The following SCYL3 variants were observed in gnomAD, a reference collection of about 807,000 sequenced individuals.
SCYL3 encodes SCY1 like pseudokinase 3, also known as protein-associating with the carboxyl-terminal domain of ezrin.
Under a neutral mutation model 73.8 loss-of-function variants are expected in SCYL3, and 35 were observed. That is an observed-to-expected ratio of 0.47 (90% CI 0.36 to 0.63). SCYL3 has a LOEUF of 0.63. Among genes scored for constraint, SCYL3 ranks in the 20% least tolerant of loss-of-function variants. SCYL3 has a pLI of 0.00. For synonymous variants in SCYL3, 277 were observed against 295.2 expected (o/e 0.94, Z 0.63); for missense variants, 712 against 798.9 (o/e 0.89, Z 1.31).
chr1:169,853,041 T>G lies in SCYL3; in HGVS notation c.*672A>C. On this transcript the variant is annotated 3_prime_UTR_variant, in exon 13 of 13. Transcript: ENST00000367771. ...ATGCTTTGTCAACTGAAAATACTTA[T>G]GTCTGTACATTTTCTAACAGATATA... 4.5e-6 allele frequency: 7 copies of G among 1,550,486 alleles called. No homozygotes were observed. Among genetic ancestry groups the G allele is most frequent in the Non-Finnish European group, 6.2e-6 (7 of 1,127,058 alleles).
At chr1:169,885,591 A>G (rs921069922) in intron 2 of SCYL3, among the ~76,000 whole-genome samples, 1 of 152,160 alleles carries the variant, frequency 6.6e-6, no homozygotes, top group Non-Finnish European at 1.5e-5. Flanking sequence ...CTAAGACAAA[A>G]TGCAGATGCT....
chr1:169,893,110 A>G (rs949905123), intron 1 of SCYL3, among the ~76,000 whole-genome samples: 1 of 152,226 alleles, frequency 6.6e-6, no homozygotes, highest in Non-Finnish European at 1.5e-5. Flanking sequence ...CTCAAGATAC[A>G]TTTTATAAGA....
At chr1:169,878,560 G>A (rs1353051314) in intron 3 of SCYL3, 74 bp downstream of exon 3, 2 of 1,197,724 alleles carry the variant, frequency 1.7e-6, no homozygotes, top group African/African-American at 1.6e-5. Flanking sequence ...TAATTTATAA[G>A]TATTACCACA....
At chr1:169,864,059 G>T (rs893186557) in intron 9 of SCYL3, among the ~76,000 whole-genome samples, 1 of 152,160 alleles carries the variant, frequency 6.6e-6, no homozygotes, top group African/African-American at 2.4e-5. Context: ...AGGCCTAAAT[G>T]ATTCATGATA....
intron 9 of SCYL3, among the ~76,000 whole-genome samples, chr1:169,863,306 T>A (rs1659800159): frequency 6.6e-6 from 1 of 152,226 alleles, no homozygotes; most frequent in African/African-American, 2.4e-5. Flanking sequence ...ACACTTACCT[T>A]GTAGAGTTTT....
intron 10 of SCYL3, among the ~76,000 whole-genome samples, chr1:169,862,116 G>A (rs1425031121): frequency 6.6e-6 from 1 of 152,164 alleles, no homozygotes; most frequent in Non-Finnish European, 1.5e-5. Context: ...AATTTGTATT[G>A]CTTTAAGCCA....
At chr1:169,884,448 C>G (rs890582441) in intron 2 of SCYL3, among the ~76,000 whole-genome samples, 1 of 151,904 alleles carries the variant, frequency 6.6e-6, no homozygotes, top group Non-Finnish European at 1.5e-5. Flanking sequence ...CAGGCGCCCA[C>G]CACCATGCCT....
At chr1:169,856,105 T>G (rs567221107) in intron 11 of SCYL3, 8 of 716,314 alleles carry the variant, frequency 1.1e-5, no homozygotes, top group Non-Finnish European at 1.8e-5. Flanking sequence ...TTCAAACATT[T>G]GAAGACATAC....
At chr1:169,862,346 A>C (rs1659708627) in intron 10 of SCYL3, among the ~76,000 whole-genome samples, 1 of 152,230 alleles carries the variant, frequency 6.6e-6, no homozygotes, top group Non-Finnish European at 1.5e-5. Flanking sequence ...ATGTTCACAA[A>C]GTGCTCCATA....
At chr1:169,894,100 C>T (rs1034253179), upstream of SCYL3, 1 of 152,296 alleles carries the variant, frequency 6.6e-6, no homozygotes, top group Non-Finnish European at 1.5e-5. Flanking sequence ...CACTCACTGC[C>T]CCAGTGGTCT....
rs761175937 is a variant in SCYL3, at chr1:169,888,845, T to C, written c.-5A>G. The C allele has an allele frequency of 1.9e-6, 3 of 1,600,176 alleles. No individual in the cohort carries two copies. The highest frequency in any genetic ancestry group is 2.6e-6 in the Non-Finnish European group (3 of 1,172,946). On this transcript the variant is annotated 5_prime_UTR_variant, in exon 2 of 13. The change creates a new upstream start codon in the 5' untranslated region. Coordinates refer to ENST00000367771, the MANE Select transcript of SCYL3 (RefSeq NM_020423.7). ...AGCACTGTTCTCTGATCCCATCCCT[T>C]ATGCAGTGAGGCAGTACTGCCACTC...
intron 11 of SCYL3, chr1:169,855,783 T>C: frequency 6.2e-7 from 1 of 1,606,408 alleles, no homozygotes; most frequent in Non-Finnish European, 8.5e-7. Flanking sequence ...CTATATAAAT[T>C]TAATATTTCT....
In SCYL3 at chr1:169,864,588, CCT is replaced by C. The variant is rs942596787; in HGVS notation, c.816-82_816-81del. On this transcript the variant is annotated intron_variant, in intron 8 of 12. Transcript: ENST00000367771. ...CTTGTACAGTTTAGCCTACACACAT[CCT>C]CTCTCTCACTTCTATCAAAGTGATG... 3.7e-6 allele frequency: 5 copies of C among 1,333,430 alleles called. No individual in the cohort carries two copies. The African/African-American group carries it at 5.9e-5, about 16-fold the overall frequency. The allele number at this position is 1,333,430 out of a possible 1,614,324, so 82.6% of individuals were successfully genotyped here.
chr1:169,890,154 C>G (rs1327185226), intron 1 of SCYL3, among the ~76,000 whole-genome samples: 6 of 152,348 alleles, frequency 3.9e-5, no homozygotes, highest in African/African-American at 1.4e-4. Flanking sequence ...GAGTTCCAAC[C>G]AGGACTGCAG....
At chr1:169,891,069 T>C (rs1463552118) in intron 1 of SCYL3, among the ~76,000 whole-genome samples, 1 of 152,222 alleles carries the variant, frequency 6.6e-6, no homozygotes, top group African/African-American at 2.4e-5. Context: ...ATCAATTTCA[T>C]GGCCTGAGTG....
rs1658569763 is a variant in SCYL3, at chr1:169,852,782, T to C, written c.*931A>G. ...GATATTGTGATATTACTTATGTTTT[T>C]TTTCCAGCCTTATGCAAAAAGAGCT... On this transcript the variant is annotated 3_prime_UTR_variant, in exon 13 of 13. Coordinates refer to ENST00000367771, the MANE Select transcript of SCYL3 (RefSeq NM_020423.7). The C allele has an allele frequency of 6.2e-7, 1 of 1,613,156 alleles. No individual in the cohort carries two copies. The highest frequency in any genetic ancestry group is 8.5e-7 in the Non-Finnish European group (1 of 1,179,614).
chr1:169,850,220 T>G lies in SCYL3; in HGVS notation c.*3493A>C. On this transcript the variant is annotated 3_prime_UTR_variant, in exon 13 of 13. Transcript: ENST00000367771. ...AAACTCATCTATTTGTCTTTGCAAG[T>G]TGTTGAAATGTTAAAATTGGTCTTG... 7.7e-7 allele frequency: 1 copy of G among 1,296,226 alleles called. No individual in the cohort carries two copies. Among genetic ancestry groups the G allele is most frequent in the Non-Finnish European group, 1.1e-6 (1 of 902,774 alleles). The allele number at this position is 1,296,226 out of a possible 1,614,324, so 80.3% of individuals were successfully genotyped here.
intron 10 of SCYL3, among the ~76,000 whole-genome samples, chr1:169,860,825 T>C (rs1659582915): frequency 1.3e-5 from 2 of 152,214 alleles, no homozygotes; most frequent in African/African-American, 4.8e-5. Context: ...TGTCATCTCT[T>C]AGCTAAACTA....
In SCYL3 at chr1:169,854,940, T is replaced by TTAA; in HGVS notation, c.1334_1336dup (p.Ile445dup). The TTAA allele has an allele frequency of 6.2e-7, 1 of 1,608,454 alleles. No homozygotes were observed. The highest frequency in any genetic ancestry group is 8.5e-7 in the Non-Finnish European group (1 of 1,177,656). Reference sequence around the variant, plus strand: ...ATCTGAGAGTCCATTTATGGGAAATTTAATAGGCTGAGAAAATGGATCGCC... The same window carrying TTAA: ...ATCTGAGAGTCCATTTATGGGAAATTTAATAATAGGCTGAGAAAATGGATCGCC... On this transcript the variant is annotated inframe_insertion, in exon 12 of 13. Transcript: ENST00000367771.
Sources: allele counts gnomAD v4.1 joint callset (sites outside exome capture counted in the v4.1 genomes callset), GRCh38; gene constraint gnomAD v4.1.1; transcripts MANE v1.5; gene names NCBI Gene and HGNC (gene_info 2026-07-23, HGNC 2026-07-21).